Variants in WDR82 observed in about 807,000 individuals in gnomAD.
WDR82 encodes the protein WD repeat-containing protein 82.
WDR82 carries 8 observed loss-of-function variants against 36.1 expected under a neutral mutation model. That is an observed-to-expected ratio of 0.22 (90% confidence interval 0.13 to 0.40). The LOEUF (loss-of-function observed/expected upper bound fraction) is 0.40, where lower values mean the gene tolerates loss of function less well. WDR82 is among the 10% of genes least tolerant of loss of function. The pLI is 1.00. For missense variants in WDR82, 185 were observed against 400.5 expected, an observed-to-expected ratio of 0.46 and a Z score of 4.59; for synonymous variants, 129 against 137.8, an observed-to-expected ratio of 0.94 and a Z score of 0.45.
Position 52,254,831 on chromosome 3 carries a change from C to G in WDR82, c.*2659G>C, listed in dbSNP as rs1699990042. 6.6e-6 allele frequency: 1 copy of G among 152,298 alleles called. No individual in the cohort carries two copies. Among genetic ancestry groups the G allele is most frequent in the Admixed American group, 6.5e-5 (1 of 15,272 alleles). The allele number at this position is 152,298 out of a possible 1,614,324, so 9.4% of individuals were successfully genotyped here. A position where few individuals can be genotyped will look rare whatever the true frequency, so the allele number is the denominator to read the frequency against. ...GCTGAGCACGTCTGTGCAGCCCCAG[C>G]CCTCAGCATCTCTTCCACTCGCTTC... On this transcript the variant is annotated 3_prime_UTR_variant, in exon 9 of 9. Transcript: ENST00000296490.
intron 2 of WDR82, among the ~76,000 whole-genome samples, chr3:52,269,240 T>A (rs1700132144): frequency 6.6e-6 from 1 of 152,136 alleles, no homozygotes; most frequent in Non-Finnish European, 1.5e-5. Flanking sequence ...TTTGGGAGGA[T>A]GAGGCAGGCA....
At chr3:52,278,057 C>T (rs1223813865) in intron 1 of WDR82, 144 bp downstream of exon 1, 2 of 712,986 alleles carry the variant, frequency 2.8e-6, no homozygotes, top group Non-Finnish European at 4.1e-6. Flanking sequence ...TCCTGGACGG[C>T]TGCGGGGTGG....
At chr3:52,277,776 G>T (rs967136438) in intron 1 of WDR82, among the ~76,000 whole-genome samples, 1 of 152,244 alleles carries the variant, frequency 6.6e-6, no homozygotes, top group Admixed American at 6.5e-5. Flanking sequence ...GAGAGCACAA[G>T]AGAGAGCTGA....
chr3:52,275,640 C>G (rs1328616762), intron 1 of WDR82, among the ~76,000 whole-genome samples: 4 of 152,158 alleles, frequency 2.6e-5, no homozygotes, highest in African/African-American at 9.7e-5. Flanking sequence ...AATCCCAGCA[C>G]TTTGGGAGGC....
In WDR82 at chr3:52,255,192, T is replaced by A. The variant is rs1699994817; in HGVS notation, c.*2298A>T. On this transcript the variant is annotated 3_prime_UTR_variant, in exon 9 of 9. Transcript: ENST00000296490. ...CCCGACCTCCGGTGATCCGCCCGCC[T>A]CGGCCTCCCAAAGTGCTGGGATTAC... 6.6e-6 allele frequency: 1 copy of A among 152,208 alleles called. No individual in the cohort carries two copies. The highest frequency in any genetic ancestry group is 6.5e-5 in the Admixed American group (1 of 15,270). The allele number at this position is 152,208 out of a possible 1,614,324, so 9.4% of individuals were successfully genotyped here.
At chr3:52,270,884 G>T in intron 1 of WDR82, 75 bp from the exon 2 acceptor site, 1 of 1,119,618 alleles carries the variant, frequency 8.9e-7, no homozygotes, top group Non-Finnish European at 1.3e-6. Flanking sequence ...ATAAAGAGAA[G>T]CACTTGAATG....
At position 52,254,535 on chromosome 3, in the gene WDR82, A is replaced by T. The variant is rs1699987061; in HGVS notation, c.*2955T>A. 6.6e-6 allele frequency: 1 copy of T among 152,664 alleles called. No individual in the cohort carries two copies. Among genetic ancestry groups the T allele is most frequent in the African/African-American group, 2.4e-5 (1 of 41,454 alleles). 9.5% of individuals were successfully genotyped at this position (152,664 alleles called of 1,614,324 possible). On this transcript the variant is annotated 3_prime_UTR_variant, in exon 9 of 9. Coordinates refer to ENST00000296490, the MANE Select transcript of WDR82 (RefSeq NM_025222.4). Reference sequence around the variant, plus strand: ...TAACGACTATGTAAACACACCAAAAATCTATGCACAGAAATGTCTAGGGGG... The same window carrying T: ...TAACGACTATGTAAACACACCAAAATTCTATGCACAGAAATGTCTAGGGGG...
At chr3:52,267,209 A>T in intron 2 of WDR82, 191 bp from the exon 3 acceptor site, 2 of 422,332 alleles carry the variant, frequency 4.7e-6, no homozygotes, top group Non-Finnish European at 8.6e-6. Context: ...CTAACTCAAA[A>T]GCAGAGTTCT....
At chr3:52,266,540 C>T (rs563144753) in intron 3 of WDR82, among the ~76,000 whole-genome samples, 1 of 152,170 alleles carries the variant, frequency 6.6e-6, no homozygotes, top group African/African-American at 2.4e-5. Flanking sequence ...TGGGTTCAAG[C>T]GATTCTCCTG....
intron 1 of WDR82, among the ~76,000 whole-genome samples, chr3:52,273,101 GT>G (rs1464156544): frequency 1.3e-5 from 2 of 152,198 alleles, no homozygotes; most frequent in South Asian, 2.1e-4. Context: ...AGTGGAAGAA[GT>G]TTATATCAGT....
At chr3:52,270,013 T>C (rs1312715333) in intron 2 of WDR82, among the ~76,000 whole-genome samples, 4 of 152,244 alleles carry the variant, frequency 2.6e-5, no homozygotes, top group Non-Finnish European at 4.4e-5. Context: ...TAAACTATCA[T>C]AGTTCAAGCA....
In WDR82 at chr3:52,255,554, T is replaced by C. The variant is rs1277863208; in HGVS notation, c.*1936A>G. The C allele has an allele frequency of 1.3e-5, 2 of 152,054 alleles. No homozygotes were observed. Among genetic ancestry groups the C allele is most frequent in the Admixed American group, 6.5e-5 (1 of 15,276 alleles). The allele number at this position is 152,054 out of a possible 1,614,324, so 9.4% of individuals were successfully genotyped here. On this transcript the variant is annotated 3_prime_UTR_variant, in exon 9 of 9. Transcript: ENST00000296490. Reference sequence around the variant, plus strand: ...GCATCCTGCAGATTCTAGTCTACATTTGGGAAAGGTGTACGCCTCTTGCAC... The same window carrying C: ...GCATCCTGCAGATTCTAGTCTACATCTGGGAAAGGTGTACGCCTCTTGCAC...
chr3:52,277,707 G>A (rs1027842441), intron 1 of WDR82, among the ~76,000 whole-genome samples: 1 of 152,242 alleles, frequency 6.6e-6, no homozygotes, highest in East Asian at 1.9e-4. Flanking sequence ...GAAAGGCCGC[G>A]GGAAGCTGAG....
chr3:52,263,884 C>T (rs974069856), intron 3 of WDR82, among the ~76,000 whole-genome samples: 3 of 152,200 alleles, frequency 2.0e-5, no homozygotes, highest in African/African-American at 7.2e-5. Context: ...GTAGGTGGTG[C>T]TGGGTGCAGT....
At chr3:52,267,187 T>A (rs922292229) in intron 2 of WDR82, 169 bp from the exon 3 acceptor site, 29 of 469,062 alleles carry the variant, frequency 6.2e-5, no homozygotes, top group Middle Eastern at 5.9e-4. Context: ...AGAGTGGGTA[T>A]GTAGATTTCA....
intron 4 of WDR82, 54 bp downstream of exon 4, chr3:52,261,326 T>C: frequency 2.0e-6 from 3 of 1,480,792 alleles, no homozygotes; most frequent in Non-Finnish European, 1.9e-6. Flanking sequence ...TAGAGTTCAT[T>C]ACAGTGCCTA....
intron 6 of WDR82, 124 bp from the exon 7 acceptor site, chr3:52,259,390 T>A (rs1700040083): frequency 1.0e-6 from 1 of 972,136 alleles, no homozygotes; most frequent in Non-Finnish European, 1.6e-6. Context: ...TGTCATGTAC[T>A]ACACCACCAA....
intron 1 of WDR82, among the ~76,000 whole-genome samples, chr3:52,275,009 G>T (rs758084063): frequency 6.6e-6 from 1 of 152,128 alleles, no homozygotes; most frequent in African/African-American, 2.4e-5. Flanking sequence ...ATCACCTGAG[G>T]TCGGGAATTC....
chr3:52,271,897 C>T (rs1355860315), intron 1 of WDR82, among the ~76,000 whole-genome samples: 1 of 152,082 alleles, frequency 6.6e-6, no homozygotes, highest in African/African-American at 2.4e-5. Context: ...AGTTCGAGAG[C>T]AGCCCAACAT....
Sources: allele counts gnomAD v4.1 joint callset (sites outside exome capture counted in the v4.1 genomes callset), GRCh38; gene constraint gnomAD v4.1.1; transcripts MANE v1.5; gene names NCBI Gene and HGNC (gene_info 2026-07-23, HGNC 2026-07-21).